Variants in GRID2 observed in about 807,000 individuals in gnomAD.
The protein encoded by GRID2 is glutamate ionotropic receptor delta type subunit 2, also known as glutamate receptor ionotropic, delta-2.
In GRID2, 33 loss-of-function variants were observed where a neutral mutation model predicts 114.8. That is an observed-to-expected ratio of 0.29 (90% CI 0.22 to 0.38). GRID2 has a LOEUF of 0.38. Among genes scored for constraint, GRID2 ranks in the 10% least tolerant of loss-of-function variants. The pLI, the probability that GRID2 is intolerant of heterozygous loss-of-function variation, is 1.00. For missense variants in GRID2, 1,184 were observed against 1,257.7 expected, an observed-to-expected ratio of 0.94 and a Z score of 0.89; for synonymous variants, 505 against 449.9, an observed-to-expected ratio of 1.12 and a Z score of -1.55.
intron 2 of GRID2, among the ~76,000 whole-genome samples, chr4:92,671,284 G>A (rs1363334800): frequency 2.0e-5 from 3 of 151,842 alleles, no homozygotes; most frequent in African/African-American, 2.4e-5. Flanking sequence ...CAACAAGGGG[G>A]AAATCCCATG....
chr4:93,063,953 A>G (rs545999497), intron 2 of GRID2, among the ~76,000 whole-genome samples: 29 of 151,356 alleles, frequency 1.9e-4, no homozygotes, highest in African/African-American at 4.6e-4. Flanking sequence ...TCTTTTCTCA[A>G]TGTCCCACAA....
chr4:93,344,327 T>C (rs1243754780), intron 8 of GRID2, among the ~76,000 whole-genome samples: 1 of 152,000 alleles, frequency 6.6e-6, no homozygotes, highest in Non-Finnish European at 1.5e-5. Context: ...ATAGAAACCA[T>C]AGCATAATTA....
intron 2 of GRID2, among the ~76,000 whole-genome samples, chr4:92,935,438 G>A (rs1271801274): frequency 6.8e-6 from 1 of 146,636 alleles, no homozygotes; most frequent in East Asian, 2.2e-4. Context: ...CTGTTGGTGG[G>A]ACTGTAAACT....
chr4:92,781,239 C>G (rs1219293961), intron 2 of GRID2, among the ~76,000 whole-genome samples: 1 of 151,924 alleles, frequency 6.6e-6, no homozygotes, highest in Admixed American at 6.6e-5. Flanking sequence ...GAGCAAGACT[C>G]CCTCTCAAAA....
At chr4:93,794,329 C>A (rs187873029) in intron 1 of GRID2, among the ~76,000 whole-genome samples, 1 of 152,298 alleles carries the variant, frequency 6.6e-6, no homozygotes, top group Admixed American at 6.5e-5. Flanking sequence ...AAAGATTAAT[C>A]CAAGCGTTAC....
intron 2 of GRID2, among the ~76,000 whole-genome samples, chr4:92,912,926 G>A (rs548709571): frequency 2.6e-5 from 4 of 151,900 alleles, no homozygotes; most frequent in African/African-American, 9.6e-5. Context: ...TCTTATCCAT[G>A]ACACCAATTT....
chr4:92,654,078 C>T (rs1029318499), intron 2 of GRID2, among the ~76,000 whole-genome samples: 4 of 152,010 alleles, frequency 2.6e-5, no homozygotes, highest in Admixed American at 2.6e-4. Flanking sequence ...AGGGTAAATG[C>T]TGTATGTTTT....
intron 1 of GRID2, among the ~76,000 whole-genome samples, chr4:92,385,876 G>A (rs1399137035): frequency 3.0e-5 from 4 of 133,414 alleles, no homozygotes; most frequent in African/African-American, 8.6e-5. Flanking sequence ...TATAATATAC[G>A]TGTGTGTGTG....
intron 2 of GRID2, among the ~76,000 whole-genome samples, chr4:92,715,940 G>A (rs1287356914): frequency 1.3e-5 from 2 of 152,156 alleles, no homozygotes; most frequent in East Asian, 1.9e-4. Context: ...CATTTATGAA[G>A]AAACTGCTAT....
At chr4:92,922,492 C>G (rs1034646608) in intron 2 of GRID2, among the ~76,000 whole-genome samples, 15 of 152,048 alleles carry the variant, frequency 9.9e-5, no homozygotes, top group African/African-American at 3.4e-4. Flanking sequence ...CTCCACCCCC[C>G]CAGAAACTGA....
chr4:93,767,339 A>G (rs1415493939), intron 14 of GRID2, among the ~76,000 whole-genome samples: 1 of 152,204 alleles, frequency 6.6e-6, no homozygotes, highest in Non-Finnish European at 1.5e-5. Flanking sequence ...ACTTTTGGAA[A>G]TTCTGGAAAT....
chr4:92,887,410 A>T (rs949288540), intron 2 of GRID2, among the ~76,000 whole-genome samples: 9 of 152,202 alleles, frequency 5.9e-5, no homozygotes, highest in African/African-American at 2.2e-4. Flanking sequence ...AGTTGGTAGA[A>T]GTAGCAGCAG....
chr4:93,038,148 T>C (rs1327423277), intron 2 of GRID2, among the ~76,000 whole-genome samples: 2 of 152,160 alleles, frequency 1.3e-5, no homozygotes, highest in African/African-American at 4.8e-5. Flanking sequence ...CAGTGGTTTG[T>C]AGTTCTCCTT....
At chr4:92,820,529 C>A (rs544616976) in intron 2 of GRID2, among the ~76,000 whole-genome samples, 1 of 152,200 alleles carries the variant, frequency 6.6e-6, no homozygotes, top group African/African-American at 2.4e-5. Flanking sequence ...ACTATGCAAC[C>A]TCTGGTTTGC....
intron 2 of GRID2, among the ~76,000 whole-genome samples, chr4:92,630,243 C>A (rs977059740): frequency 6.6e-6 from 1 of 152,020 alleles, no homozygotes; most frequent in African/African-American, 2.4e-5. Context: ...AAATGGCTAC[C>A]CTGATGCTTG....
At chr4:93,168,648 C>G (rs1738493560) in intron 4 of GRID2, among the ~76,000 whole-genome samples, 1 of 151,996 alleles carries the variant, frequency 6.6e-6, no homozygotes, top group Non-Finnish European at 1.5e-5. Context: ...TTTCCTTGCT[C>G]TTAGCAAAAA....
chr4:93,092,579 A>G lies in GRID2; in HGVS notation c.529+7300A>G, dbSNP rs148856519. ...GAATGGTAGACACGGTAAATGGTAG[A>G]TCATGTCAGGCAGCAATGGTGGCAA... On this transcript the variant is annotated intron_variant, in intron 3 of 15. Coordinates refer to ENST00000282020, the MANE Select transcript of GRID2 (RefSeq NM_001510.4). Among the ~76,000 whole-genome samples the G allele has an allele frequency of 5.1e-3, 776 of 152,152 alleles. 5 individuals carry two copies. Among genetic ancestry groups the G allele is most frequent in the Non-Finnish European group, 8.9e-3 (603 of 68,002 alleles).
intron 13 of GRID2, among the ~76,000 whole-genome samples, chr4:93,566,418 T>C (rs1735423736): frequency 6.6e-6 from 1 of 152,142 alleles, no homozygotes; most frequent in South Asian, 2.1e-4. Flanking sequence ...GTTTTAGAGA[T>C]GTGTATATTT....
chr4:92,475,136 A>G (rs979397757), intron 1 of GRID2, among the ~76,000 whole-genome samples: 19 of 91,896 alleles, frequency 2.1e-4, no homozygotes, highest in African/African-American at 4.2e-4. Context: ...AATAAATAAT[A>G]ATAATAATAA....
Sources: allele counts gnomAD v4.1 joint callset (sites outside exome capture counted in the v4.1 genomes callset), GRCh38; gene constraint gnomAD v4.1.1; transcripts MANE v1.5; gene names NCBI Gene and HGNC (gene_info 2026-07-23, HGNC 2026-07-21).